RHOT1: variants seen among roughly 807,000 people sequenced by gnomAD.
RHOT1 encodes mitochondrial Rho GTPase 1.
RHOT1 carries 27 observed loss-of-function variants against 95.3 expected under a neutral mutation model. The ratio of observed to expected loss-of-function variants is 0.28; its 90% CI spans 0.21 to 0.39. RHOT1 has a LOEUF of 0.39. Among genes scored for constraint, RHOT1 ranks in the 10% least tolerant of loss-of-function variants. RHOT1 has a pLI of 1.00. For missense variants in RHOT1, 578 were observed against 786.7 expected (o/e 0.73, Z 3.17); for synonymous variants, 227 against 263.5 (o/e 0.86, Z 1.34).
intron 16 of RHOT1, among the ~76,000 whole-genome samples, chr17:32,205,956 A>G (rs1176649277): frequency 6.6e-6 from 1 of 152,202 alleles, no homozygotes; most frequent in East Asian, 1.9e-4. Flanking sequence ...ACCTTACTGT[A>G]AAGAGTCATT....
At chr17:32,199,147 C>A in intron 12 of RHOT1, 116 bp downstream of exon 12, 1 of 858,084 alleles carries the variant, frequency 1.2e-6, no homozygotes. Context: ...AACTGCTTAA[C>A]CTCTCTAAGT....
Position 32,183,156 on chromosome 17 carries a change from A to G in RHOT1, c.439-15A>G. 4 of 1,566,742 alleles carry G rather than the reference A, an allele frequency of 2.6e-6. No individual in the cohort carries two copies. Among genetic ancestry groups the G allele is most frequent in the Non-Finnish European group, 3.5e-6 (4 of 1,147,246 alleles). On this transcript the variant is annotated splice_polypyrimidine_tract_variant and intron_variant, in intron 7 of 19. Transcript: ENST00000545287. Reference sequence around the variant, plus strand: ...CTCATAATTGATTTCAGAGTGTAAAATTTTATTTTTTCAGTGTTCAGCGAA... The same window carrying G: ...CTCATAATTGATTTCAGAGTGTAAAGTTTTATTTTTTCAGTGTTCAGCGAA...
chr17:32,191,624 A>G (rs1006880076), intron 8 of RHOT1, among the ~76,000 whole-genome samples: 7 of 152,370 alleles, frequency 4.6e-5, no homozygotes, highest in African/African-American at 1.7e-4. Context: ...TTAGAGTCAC[A>G]AAAGGCAAAA....
At position 32,199,565 on chromosome 17, in the gene RHOT1, C is replaced by A; in HGVS notation, c.1100+15C>A. On this transcript the variant is annotated intron_variant, in intron 13 of 19. Coordinates refer to ENST00000545287, the MANE Select transcript of RHOT1 (RefSeq NM_001033566.3). ...TCCCAGTGGACGTGAGTATAGAGCT[C>A]ACCTCTTTCCTCTAGAGTTACAAAT... is the stretch of plus-strand genomic sequence containing the variant. 6.4e-7 allele frequency: 1 copy of A among 1,570,658 alleles called. No homozygotes were observed. The highest frequency in any genetic ancestry group is 8.6e-7 in the Non-Finnish European group (1 of 1,165,080).
In RHOT1 at chr17:32,224,649, GT is replaced by G; in HGVS notation, c.1900del (p.Trp634GlyfsTer23). On this transcript the variant is annotated frameshift_variant, in exon 20 of 20. Coordinates refer to ENST00000545287, the MANE Select transcript of RHOT1 (RefSeq NM_001033566.3). LOFTEE classifies it high-confidence loss of function. The part of the protein sequence containing the change: ...VTQADLKSST[F>X]WLRASFGATV... Reference sequence around the variant, plus strand: ...CACAAGCTGACCTCAAGAGCTCCACGTTTTGGCTTCGAGCAAGTTTTGGTGC... The same window carrying G: ...CACAAGCTGACCTCAAGAGCTCCACGTTTGGCTTCGAGCAAGTTTTGGTGC... The G allele has an allele frequency of 1.2e-6, 2 of 1,613,432 alleles. No individual in the cohort carries two copies. The highest frequency in any genetic ancestry group is 1.7e-6 in the Non-Finnish European group (2 of 1,179,630).
chr17:32,189,779 G>A (rs1290713599), intron 8 of RHOT1, among the ~76,000 whole-genome samples: 1 of 146,692 alleles, frequency 6.8e-6, no homozygotes, highest in Non-Finnish European at 1.5e-5. Context: ...GTCTCCCAGG[G>A]TGGAGTGCAA....
intron 6 of RHOT1, among the ~76,000 whole-genome samples, chr17:32,177,047 G>A (rs1380039521): frequency 6.6e-6 from 1 of 152,110 alleles, no homozygotes; most frequent in African/African-American, 2.4e-5. Flanking sequence ...TATTTTGGAA[G>A]GGAGACTGAG....
At chr17:32,207,600 T>G (rs1210435172) in intron 17 of RHOT1, 1 of 154,226 alleles carries the variant, frequency 6.5e-6, no homozygotes, top group Non-Finnish European at 1.4e-5. Context: ...TTAGGCAATA[T>G]TTAAATTAAA....
intron 2 of RHOT1, among the ~76,000 whole-genome samples, chr17:32,172,282 A>G (rs1433364835): frequency 6.6e-6 from 1 of 152,194 alleles, no homozygotes; most frequent in Non-Finnish European, 1.5e-5. Flanking sequence ...AATTTAAGAA[A>G]TGAAGTATAT....
In RHOT1 at chr17:32,202,730, G is replaced by A. The variant is rs116517468; in HGVS notation, c.1202-40G>A. On this transcript the variant is annotated intron_variant, in intron 14 of 19. Coordinates refer to ENST00000545287, the MANE Select transcript of RHOT1 (RefSeq NM_001033566.3). ...AATGGAGGCTTAGTGAATCTAAGTG[G>A]TACATATTTAGTGGGGTTTTTTATT... 2,648 of 1,450,554 alleles carry A rather than the reference G, an allele frequency of 1.8e-3. 41 individuals carry two copies. In the African/African-American group the frequency reaches 0.033, roughly 18 times the overall value. The allele number at this position is 1,450,554 out of a possible 1,614,324, so 89.9% of individuals were successfully genotyped here.
chr17:32,198,156 A>AAAGTG, intron 11 of RHOT1, among the ~76,000 whole-genome samples: 1 of 152,308 alleles, frequency 6.6e-6, no homozygotes, highest in Middle Eastern at 3.4e-3. Flanking sequence ...TCGGTCTCCC[A>AAAGTG]AAGTGCTGGG....
intron 2 of RHOT1, among the ~76,000 whole-genome samples, chr17:32,172,261 A>G (rs1022576159): frequency 6.6e-6 from 1 of 152,204 alleles, no homozygotes; most frequent in Non-Finnish European, 1.5e-5. Context: ...TGGTTAAATA[A>G]GTAATTGCTT....
At chr17:32,166,187 CAAAAA>C (rs200254466) in intron 1 of RHOT1, among the ~76,000 whole-genome samples, 3 of 106,550 alleles carry the variant, frequency 2.8e-5, no homozygotes, top group African/African-American at 6.8e-5. Context: ...GACTCTATCT[CAAAAA>C]AAAAAAAAAA....
chr17:32,175,559 C>T (rs549406214), intron 4 of RHOT1, among the ~76,000 whole-genome samples, 197 bp downstream of exon 4: 6 of 152,248 alleles, frequency 3.9e-5, no homozygotes, highest in East Asian at 1.9e-4. Context: ...CAGGCTCAAG[C>T]GATTCTCATG....
chr17:32,201,939 G>GTC (rs941879060), intron 14 of RHOT1, among the ~76,000 whole-genome samples: 2 of 151,876 alleles, frequency 1.3e-5, no homozygotes, highest in African/African-American at 4.8e-5. Context: ...TTGAGATGGA[G>GTC]TCTCTCTCTA....
chr17:32,223,763 A>C (rs1223339005), intron 19 of RHOT1, among the ~76,000 whole-genome samples: 1 of 152,190 alleles, frequency 6.6e-6, no homozygotes, highest in African/African-American at 2.4e-5. Flanking sequence ...TTAGTAACTA[A>C]GACTTCAGTG....
Position 32,206,795 on chromosome 17 carries a change from G to T in RHOT1, c.1417-115G>T, listed in dbSNP as rs1050913402. ...TTTTAAAACTGGCCTGAAAAGTTAT[G>T]CTTAACCAGTACTTTTAAACTTAGG... On this transcript the variant is annotated intron_variant, in intron 16 of 19. Coordinates refer to ENST00000545287, the MANE Select transcript of RHOT1 (RefSeq NM_001033566.3). The T allele has an allele frequency of 1.7e-5, 13 of 783,174 alleles. No homozygotes were observed. The African/African-American group carries it at 2.3e-4, about 14-fold the overall frequency. The allele number at this position is 783,174 out of a possible 1,614,324, so 48.5% of individuals were successfully genotyped here.
At chr17:32,189,656 GTTTTACACAAGT>G (rs2036323409) in intron 8 of RHOT1, among the ~76,000 whole-genome samples, 1 of 149,480 alleles carries the variant, frequency 6.7e-6, no homozygotes, top group South Asian at 2.1e-4. Context: ...ACTATACCTT[GTTTTACACAAGT>G]GCAAACTTTA....
intron 1 of RHOT1, chr17:32,151,219 C>T: frequency 1.3e-6 from 1 of 746,632 alleles, no homozygotes; most frequent in Non-Finnish European, 2.5e-6. Flanking sequence ...TCTGGCTAAA[C>T]AGAGCTTCTA....
Sources: gnomAD v4.1 joint callset for allele counts (sites outside exome capture counted in the v4.1 genomes callset) on GRCh38, gnomAD v4.1.1 for gene constraint, MANE v1.5 for transcripts, NCBI Gene and HGNC (gene_info 2026-07-23, HGNC 2026-07-21) for gene names.